Variants in PSMC1 observed in about 807,000 individuals in gnomAD.
The protein encoded by PSMC1 is 26S proteasome regulatory subunit 4.
In PSMC1, 5 loss-of-function variants were observed where a neutral mutation model predicts 49.8. The ratio of observed to expected loss-of-function variants is 0.10; its 90% CI spans 0.05 to 0.21. The LOEUF (loss-of-function observed/expected upper bound fraction) is 0.21. Ranked by LOEUF, PSMC1 falls within the 10% of genes least tolerant of loss-of-function variation. PSMC1 has a pLI of 1.00. For missense variants in PSMC1, 181 were observed against 535.7 expected (o/e 0.34, Z 6.54); for synonymous variants, 155 against 192.1 (o/e 0.81, Z 1.60).
intron 9 of PSMC1, 169 bp downstream of exon 9, chr14:90,269,717 A>G: frequency 1.6e-6 from 1 of 644,962 alleles, no homozygotes; most frequent in East Asian, 2.9e-5. Context: ...AAAACAGAGC[A>G]TGATATGGTC....
rs570010936 is a variant in PSMC1, at chr14:90,260,475, T to C, written c.154+264T>C. Among the ~76,000 whole-genome samples, 10 of 152,352 alleles carry C rather than the reference T, an allele frequency of 6.6e-5. No homozygotes were observed. The East Asian group carries it at 1.9e-3, about 29-fold the overall frequency. ...GGCGGGGTGCGGTGGTTCACGCCTG[T>C]AATCCCAGCACTTTGGGAGGCCGAG... On this transcript the variant is annotated intron_variant, in intron 3 of 10. Transcript: ENST00000261303.
rs1891776987 is a variant in PSMC1, at chr14:90,275,197, T to A, written c.*2790T>A. On this transcript the variant is annotated 3_prime_UTR_variant, in exon 11 of 11. Transcript: ENST00000261303. ...TCCAATCAGAAGGAGACCAAAGAGA[T>A]GACAACCAAGTGCAGCTCCTGCTCC... is the stretch of plus-strand genomic sequence containing the variant. 1 of 152,178 alleles carries A rather than the reference T, an allele frequency of 6.6e-6. No homozygotes were observed. The highest frequency in any genetic ancestry group is 1.5e-5 in the Non-Finnish European group (1 of 68,048). The allele number at this position is 152,178 out of a possible 1,614,324, so 9.4% of individuals were successfully genotyped here.
Position 90,270,430 on chromosome 14 carries a change from T to G in PSMC1, c.1188+78T>G. On this transcript the variant is annotated intron_variant, in intron 10 of 10. Transcript: ENST00000261303. ...AAAGAGTCTATATGTGCTCTTGGGA[T>G]GGTGGTTGGCCTGGACAGGTGGGTG... 2 of 1,494,010 alleles carry G rather than the reference T, an allele frequency of 1.3e-6. 1 individual carries two copies. The highest frequency in any genetic ancestry group is 2.6e-5 in the South Asian group (2 of 77,746). The allele number at this position is 1,494,010 out of a possible 1,614,324, so 92.5% of individuals were successfully genotyped here. A position where few individuals can be genotyped will look rare whatever the true frequency, so the allele number is the denominator to read the frequency against.
rs548602453 is a variant in PSMC1, at chr14:90,265,600, A to G, written c.691+434A>G. 2.0e-5 allele frequency among the ~76,000 whole-genome samples: 3 copies of G among 151,330 alleles called. No homozygotes were observed. The South Asian group carries it at 6.3e-4, about 32-fold the overall frequency. ...GCTACTCGGGAGGCTGAGGCAGGAGAATGGCATGAACCCGGGAGGCGGTGC... is the reference window on the plus strand; with the variant it reads ...GCTACTCGGGAGGCTGAGGCAGGAGGATGGCATGAACCCGGGAGGCGGTGC... On this transcript the variant is annotated intron_variant, in intron 7 of 10. Transcript: ENST00000261303.
chr14:90,268,653 C>G lies in PSMC1; in HGVS notation c.881+240C>G, dbSNP rs1256410628. ...CATGTCTTGAGCACCCGCCCTGATC[C>G]AGGACCATCTGGACTCTAGGGACAC... is the stretch of plus-strand genomic sequence containing the variant. On this transcript the variant is annotated intron_variant, in intron 8 of 10. Transcript: ENST00000261303. The G allele has an allele frequency of 6.9e-6, 3 of 435,470 alleles. No individual in the cohort carries two copies. In the Admixed American group the frequency reaches 1.2e-4, roughly 17 times the overall value. The allele number at this position is 435,470 out of a possible 1,614,324, so 27.0% of individuals were successfully genotyped here.
At position 90,270,268 on chromosome 14, in the gene PSMC1, C is replaced by T. The variant is rs778723948; in HGVS notation, c.1104C>T (p.His368=). ...CGAAGAAGCGCATCTTTCAGATTCACACAAGCAGGATGACGCTGGCTGATG... is the reference window on the plus strand; with the variant it reads ...CGAAGAAGCGCATCTTTCAGATTCATACAAGCAGGATGACGCTGGCTGATG... The part of the protein sequence containing the change: ...EKTKKRIFQI[H]TSRMTLADDV... The change falls in exon 10 of 11, where the codon CAC becomes CAT. Residue 368 remains histidine, a synonymous_variant. Coordinates refer to ENST00000261303, the MANE Select transcript of PSMC1 (RefSeq NM_002802.3). 6.8e-6 allele frequency: 11 copies of T among 1,613,658 alleles called. No homozygotes were observed. The highest frequency in any genetic ancestry group is 8.5e-6 in the Non-Finnish European group (10 of 1,179,880).
chr14:90,268,715 C>G, intron 8 of PSMC1: 1 of 283,284 alleles, frequency 3.5e-6, no homozygotes, highest in East Asian at 6.7e-5. Flanking sequence ...GAGGAGCTCA[C>G]AGGTTGTAGG....
chr14:90,260,239 T>C, intron 3 of PSMC1, 28 bp downstream of exon 3: 1 of 1,504,396 alleles, frequency 6.6e-7, no homozygotes. Flanking sequence ...CCTTGCCATC[T>C]TTCCAGTTCT....
At chr14:90,261,085 G>C (rs1018302560) in intron 3 of PSMC1, among the ~76,000 whole-genome samples, 2 of 152,122 alleles carry the variant, frequency 1.3e-5, no homozygotes, top group African/African-American at 4.8e-5. Context: ...CAAGTGACCT[G>C]ACCCAGCCCA....
Position 90,274,788 on chromosome 14 carries a change from A to G in PSMC1, c.*2381A>G, listed in dbSNP as rs1363260606. The G allele has an allele frequency of 3.3e-3, 4 of 1,218 alleles. No individual in the cohort carries two copies. Among genetic ancestry groups the G allele is most frequent in the African/African-American group, 0.027 (4 of 150 alleles). 0.1% of individuals were successfully genotyped at this position (1,218 alleles called of 1,614,324 possible). ...AGTATAGCCCTTTAAATAGGGAACT[A>G]CACACACACACACACACACACACAC... On this transcript the variant is annotated 3_prime_UTR_variant, in exon 11 of 11. Coordinates refer to ENST00000261303, the MANE Select transcript of PSMC1 (RefSeq NM_002802.3).
rs75855992 is a variant in PSMC1 at position 90,267,704 on chromosome 14, T to C, written c.692-520T>C. Reference sequence around the variant, plus strand: ...CTGCATGCCTGGAGCTCAGGAACACTTCGTGTATCTCCTTAGGGCCAAAGC... The same window carrying C: ...CTGCATGCCTGGAGCTCAGGAACACCTCGTGTATCTCCTTAGGGCCAAAGC... On this transcript the variant is annotated intron_variant, in intron 7 of 10. Transcript: ENST00000261303. 1,449 of 152,786 alleles carry C rather than the reference T, an allele frequency of 9.5e-3. 55 individuals are homozygous for C. Among genetic ancestry groups the C allele is most frequent in the Admixed American group, 0.061 (930 of 15,330 alleles). 9.5% of individuals were successfully genotyped at this position (152,786 alleles called of 1,614,324 possible).
intron 4 of PSMC1, 110 bp downstream of exon 4, chr14:90,263,552 T>G (rs1891444654): frequency 6.8e-7 from 1 of 1,463,334 alleles, no homozygotes; most frequent in Non-Finnish European, 9.4e-7. Context: ...TTCATGAGTA[T>G]TATTAGCTGC....
rs1891730630 is a variant in PSMC1, at chr14:90,273,855, C to G, written c.*1448C>G. The G allele has an allele frequency of 6.5e-6, 1 of 155,004 alleles. No homozygotes were observed. The highest frequency in any genetic ancestry group is 2.0e-4 in the South Asian group (1 of 4,926). The allele number at this position is 155,004 out of a possible 1,614,324, so 9.6% of individuals were successfully genotyped here. On this transcript the variant is annotated 3_prime_UTR_variant, in exon 11 of 11. Coordinates refer to ENST00000261303, the MANE Select transcript of PSMC1 (RefSeq NM_002802.3). ...GCACTTCATTTTCCACCAGCAGCAG[C>G]AGGCCCAGTCCCTCTCTCCCACCGA...
intron 6 of PSMC1, among the ~76,000 whole-genome samples, chr14:90,264,747 C>T (rs912784136): frequency 6.6e-6 from 1 of 152,166 alleles, no homozygotes; most frequent in East Asian, 1.9e-4. Context: ...TTTCCTAGTC[C>T]TATCTGTAGT....
At chr14:90,268,130 T>C (rs1375736250) in intron 7 of PSMC1, 94 bp from the exon 8 acceptor site, 83 of 1,044,576 alleles carry the variant, frequency 7.9e-5, no homozygotes, top group South Asian at 4.2e-4. Flanking sequence ...CCGCCTGTTT[T>C]TGGTGTCCAT....
chr14:90,268,117 G>A (rs1431123812), intron 7 of PSMC1, 107 bp from the exon 8 acceptor site: 1 of 862,912 alleles, frequency 1.2e-6, no homozygotes, highest in Non-Finnish European at 1.7e-6. Flanking sequence ...TTAGCATGAG[G>A]GCCCGCCTGT....
Position 90,263,743 on chromosome 14 carries a change from G to A in PSMC1, c.361G>A (p.Ala121Thr). ...GGAAGAGATCATTGATGACAATCAT[G>A]CCATCGTGTCTACATCTGTGGGCTC... is the stretch of plus-strand genomic sequence containing the variant. ...TLEEIIDDNH[A>T]IVSTSVGSEH... Residue 121 changes from alanine to threonine, a missense_variant, in exon 5 of 11, where the codon GCC becomes ACC. Coordinates refer to ENST00000261303, the MANE Select transcript of PSMC1 (RefSeq NM_002802.3). The A allele has an allele frequency of 6.2e-7, 1 of 1,612,302 alleles. No homozygotes were observed. The highest frequency in any genetic ancestry group is 8.5e-7 in the Non-Finnish European group (1 of 1,178,318).
Position 90,272,548 on chromosome 14 carries a change from G to A in PSMC1, c.*141G>A. ...CATCCTGTGTCTTTTGGAGTACGATGTGTAAGTGCCCATTGGGTGGCCTGT... is the reference window on the plus strand; with the variant it reads ...CATCCTGTGTCTTTTGGAGTACGATATGTAAGTGCCCATTGGGTGGCCTGT... On this transcript the variant is annotated 3_prime_UTR_variant, in exon 11 of 11. Transcript: ENST00000261303. This position sits in a 1 kb window ranked among gnomAD's most constrained non-coding sequence, Gnocchi z 4.5. The A allele has an allele frequency of 1.7e-6, 1 of 596,842 alleles. No homozygotes were observed. The highest frequency in any genetic ancestry group is 3.4e-5 in the Admixed American group (1 of 29,006). 37.0% of individuals were successfully genotyped at this position (596,842 alleles called of 1,614,324 possible). A position where few individuals can be genotyped will look rare whatever the true frequency, so the allele number is the denominator to read the frequency against.
rs75175021 is a variant in PSMC1, at chr14:90,268,070, G to C, written c.692-154G>C. ...TAAATGTCCTCTTATCTACTTAGGA[G>C]AATGGAATGTCGTGACACTTGAATT... is the stretch of plus-strand genomic sequence containing the variant. On this transcript the variant is annotated intron_variant, in intron 7 of 10. Coordinates refer to ENST00000261303, the MANE Select transcript of PSMC1 (RefSeq NM_002802.3). 25 of 593,424 alleles carry C rather than the reference G, an allele frequency of 4.2e-5. No homozygotes were observed. In the African/African-American group the frequency reaches 4.3e-4, roughly 10 times the overall value. The allele number at this position is 593,424 out of a possible 1,614,324, so 36.8% of individuals were successfully genotyped here. A position where few individuals can be genotyped will look rare whatever the true frequency, so the allele number is the denominator to read the frequency against.
Sources: gnomAD v4.1 joint callset for allele counts (sites outside exome capture counted in the v4.1 genomes callset) on GRCh38, gnomAD v4.1.1 for gene constraint, Gnocchi (gnomAD v3.1) non-coding constraint, MANE v1.5 for transcripts, NCBI Gene and HGNC (gene_info 2026-07-23, HGNC 2026-07-21) for gene names.